The following DMD variants were observed in gnomAD, a reference collection of about 807,000 sequenced individuals.
DMD encodes the protein mutant dystrophin.
Under a neutral mutation model 330.1 loss-of-function variants are expected in DMD, and 63 were observed. The ratio of observed to expected loss-of-function variants is 0.19; its 90% CI spans 0.16 to 0.24. DMD has a LOEUF of 0.24. Among genes scored for constraint, DMD ranks in the 10% least tolerant of loss-of-function variants. DMD has a pLI of 1.00. For missense variants in DMD, 3,344 were observed against 2,684.1 expected (o/e 1.25, Z -5.43); for synonymous variants, 1,223 against 959.8 (o/e 1.27, Z -5.07).
At chrX:32,272,897 T>G (rs181927348) in intron 43 of DMD, among the ~76,000 whole-genome samples, 1 of 110,120 alleles carries the variant, frequency 9.1e-6, no homozygotes, top group East Asian at 2.8e-4. Context: ...AGTCAGTGAA[T>G]TAGTAAGCAA....
intron 16 of DMD, among the ~76,000 whole-genome samples, chrX:32,560,609 G>T (rs1182374611): frequency 9.0e-6 from 1 of 110,646 alleles, no homozygotes; most frequent in Non-Finnish European, 1.9e-5. Flanking sequence ...CCAGCAACAG[G>T]CCCCAGTGTG....
intron 42 of DMD, among the ~76,000 whole-genome samples, chrX:32,296,992 T>C (rs331324): frequency 0.28 from 31,294 of 110,471 alleles, 3,626 homozygotes; most frequent in Non-Finnish European, 0.35. Flanking sequence ...TTTAACCATA[T>C]TTATTTCCTG....
intron 9 of DMD, among the ~76,000 whole-genome samples, chrX:32,657,603 C>G (rs184519982): frequency 1.7e-4 from 19 of 111,574 alleles, no homozygotes; most frequent in African/African-American, 6.2e-4. Context: ...TTCATGAAGT[C>G]CAGAGAAGAA....
chrX:32,733,962 A>C (rs1469076477), intron 7 of DMD, among the ~76,000 whole-genome samples: 1 of 106,666 alleles, frequency 9.4e-6, no homozygotes, highest in Non-Finnish European at 1.9e-5. Context: ...TCAAAAAATT[A>C]ATGAATCCAG....
chrX:31,274,532 G>A (rs921833742), intron 62 of DMD, among the ~76,000 whole-genome samples: 1 of 111,601 alleles, frequency 9.0e-6, no homozygotes, highest in African/African-American at 3.3e-5. Context: ...ATCCATAAAA[G>A]GGGAAATAAG....
At chrX:32,386,589 G>T in intron 32 of DMD, 124 bp from the exon 33 acceptor site, 2 of 598,354 alleles carry the variant, frequency 3.3e-6, no homozygotes, top group Non-Finnish European at 2.6e-6. Context: ...TAATAGAGTA[G>T]CATTTTGCAG....
Position 31,710,966 on chromosome X carries a change from C to T in DMD, c.7660+18665G>A, listed in dbSNP as rs986246600. ...TTCCAAATCCATGAGATACATAGCA[C>T]TTTTTCCTTGATTTTACCCATATTC... On this transcript the variant is annotated intron_variant, in intron 52 of 78. Transcript: ENST00000357033. 3.6e-5 allele frequency among the ~76,000 whole-genome samples: 4 copies of T among 110,793 alleles called. No individual in the cohort carries two copies. The East Asian group carries it at 1.1e-3, about 31-fold the overall frequency.
intron 4 of DMD, 65 bp downstream of exon 4, chrX:32,844,718 G>C: frequency 1.0e-6 from 1 of 968,919 alleles, no homozygotes; most frequent in Non-Finnish European, 1.5e-6. Context: ...TGGGGCCAAA[G>C]CCCTCACTCA....
chrX:32,376,924 T>C (rs1281048413), intron 34 of DMD, among the ~76,000 whole-genome samples: 2 of 111,412 alleles, frequency 1.8e-5, no homozygotes, highest in African/African-American at 3.3e-5. Context: ...ACTTTTCTAA[T>C]TTAGGATAGG....
intron 1 of DMD, among the ~76,000 whole-genome samples, chrX:33,032,074 C>T (rs1349665320): frequency 1.8e-5 from 2 of 111,838 alleles, no homozygotes; most frequent in Non-Finnish European, 3.8e-5. Context: ...TTTCCACTTG[C>T]CATGGTTCAC....
intron 1 of DMD, among the ~76,000 whole-genome samples, chrX:33,163,552 GTATATA>G (rs781153726): frequency 3.3e-5 from 3 of 91,001 alleles, no homozygotes; most frequent in African/African-American, 1.2e-4. Context: ...ATATATGTGT[GTATATA>G]TATATATATA....
intron 62 of DMD, among the ~76,000 whole-genome samples, chrX:31,313,196 C>T (rs867715231): frequency 8.0e-4 from 86 of 107,256 alleles, no homozygotes; most frequent in African/African-American, 2.7e-3. Context: ...ACTTTGTTTT[C>T]TCAGCCTGCA....
At chrX:31,773,230 T>C (rs113067271) in intron 51 of DMD, among the ~76,000 whole-genome samples, 14,860 of 111,521 alleles carry the variant, frequency 0.13, 725 homozygotes, top group Admixed American at 0.19. Context: ...TTTTTCTTAA[T>C]CATTCACAAA....
intron 60 of DMD, among the ~76,000 whole-genome samples, chrX:31,408,280 T>C (rs17338507): frequency 0.096 from 10,741 of 112,281 alleles, 537 homozygotes; most frequent in East Asian, 0.4. Context: ...GTTATCCACT[T>C]AGTAACCAAT....
intron 5 of DMD, among the ~76,000 whole-genome samples, chrX:32,822,712 C>A (rs2078374865): frequency 9.1e-6 from 1 of 110,227 alleles, no homozygotes; most frequent in South Asian, 3.8e-4. Context: ...ACTACACACA[C>A]ACACACACGG....
intron 21 of DMD, among the ~76,000 whole-genome samples, chrX:32,481,206 T>G (rs1343725305): frequency 1.8e-5 from 2 of 110,641 alleles, no homozygotes; most frequent in East Asian, 2.9e-4. Context: ...TTCTTTCAAT[T>G]CTGGCAAGAA....
At chrX:31,398,785 T>TG (rs1287397189) in intron 60 of DMD, among the ~76,000 whole-genome samples, 4 of 112,125 alleles carry the variant, frequency 3.6e-5, no homozygotes, top group Admixed American at 9.4e-5. Flanking sequence ...CTTCAGTAGT[T>TG]GGGACTATAG....
intron 1 of DMD, among the ~76,000 whole-genome samples, chrX:33,093,098 C>A (rs1414263111): frequency 9.0e-6 from 1 of 111,448 alleles, no homozygotes; most frequent in Non-Finnish European, 1.9e-5. Flanking sequence ...TGGTCTCGAA[C>A]TCCTGACCTC....
intron 52 of DMD, among the ~76,000 whole-genome samples, chrX:31,713,769 C>T (rs1337071805): frequency 2.7e-5 from 3 of 111,401 alleles, no homozygotes; most frequent in Non-Finnish European, 5.7e-5. Context: ...TCATGGTTTC[C>T]TTGGAACACC....
Sources: gnomAD v4.1 joint callset for allele counts (sites outside exome capture counted in the v4.1 genomes callset) on GRCh38, gnomAD v4.1.1 for gene constraint, MANE v1.5 for transcripts, NCBI Gene and HGNC (gene_info 2026-07-23, HGNC 2026-07-21) for gene names.